The following ZNF318 variants were observed in gnomAD, a reference collection of about 807,000 sequenced individuals.
ZNF318 encodes the protein endocrine regulator.
A neutral mutation model predicts 124.2 loss-of-function variants in ZNF318; 51 were observed. The observed-to-expected ratio is 0.41, with a 90% CI of 0.33 to 0.52. The LOEUF (loss-of-function observed/expected upper bound fraction) is 0.52. Ranked by LOEUF, ZNF318 falls within the 20% of genes least tolerant of loss-of-function variation. The pLI is 0.23. For missense variants in ZNF318, 2,815 were observed against 2,811.2 expected (o/e 1.00, Z -0.03); for synonymous variants, 1,090 against 1,040.7 (o/e 1.05, Z -0.91).
rs766684451 is a variant in ZNF318, at chr6:43,357,197, C to A, written c.1117G>T (p.Val373Leu). 1.2e-6 allele frequency: 2 copies of A among 1,614,194 alleles called. No individual in the cohort carries two copies. Among genetic ancestry groups the A allele is most frequent in the South Asian group, 1.1e-5 (1 of 91,084 alleles). The stretch of plus-strand genomic sequence containing the variant: ...ATGGATTTCTTGGGCATCACAGATA[C>A]TTCCTCAGGCCGATGCAAAGAATAT... ...PGYSLHRPEEVSVMPKKSILK... is the reference protein window; with the variant it reads ...PGYSLHRPEELSVMPKKSILK... Residue 373 changes from valine to leucine, a missense_variant, in exon 3 of 10, where the codon GTA becomes TTA. Physicochemically the swap from Val to Leu is conservative, Grantham distance 32. Transcript: ENST00000361428.
At position 43,352,428 on chromosome 6, in the gene ZNF318, T is replaced by A. The variant is rs1363814667; in HGVS notation, c.2719A>T (p.Lys907Ter). 6.2e-7 allele frequency: 1 copy of A among 1,614,044 alleles called. No homozygotes were observed. Among genetic ancestry groups the A allele is most frequent in the Admixed American group, 1.7e-5 (1 of 59,996 alleles). The part of the protein sequence containing the change: ...KLKNDREARQ[K>*]KMYYLRTELE... Reference sequence around the variant, plus strand: ...TCGGTCCTAAGATAGTACATCTTCTTCTGGCGGGCTTCCCGGTCATTCTTT... The same window carrying A: ...TCGGTCCTAAGATAGTACATCTTCTACTGGCGGGCTTCCCGGTCATTCTTT... Residue 907 changes from lysine to a stop codon, truncating the protein, a stop_gained, in exon 5 of 10, where the codon AAG becomes TAG. Coordinates refer to ENST00000361428, the MANE Select transcript of ZNF318 (RefSeq NM_014345.3). LOFTEE classifies it high-confidence loss of function.
chr6:43,363,743 T>C (rs1334023976), intron 2 of ZNF318: 1 of 608,734 alleles, frequency 1.6e-6, no homozygotes, highest in South Asian at 2.0e-5. Context: ...TTGAAGATTA[T>C]GCCAGTGCAG....
chr6:43,353,587 G>A (rs1779563396), intron 4 of ZNF318, among the ~76,000 whole-genome samples: 1 of 152,026 alleles, frequency 6.6e-6, no homozygotes, highest in African/African-American at 2.4e-5. Context: ...TGTTAGCCAG[G>A]ATGGTCTTGA....
Position 43,338,737 on chromosome 6 carries a change from G to A in ZNF318, c.5261C>T (p.Ser1754Phe), listed in dbSNP as rs1199801123. Residue 1754 changes from serine (S) to phenylalanine (F), a missense_variant, in exon 10 of 10, where the codon TCT becomes TTT. By Grantham distance (155) the Ser-to-Phe change is radical. Coordinates refer to ENST00000361428, the MANE Select transcript of ZNF318 (RefSeq NM_014345.3). ...TTGGCTTTCCTTATCCTGGTTAACA[G>A]ATTCTCTGAGGTGGATTTCTACCAA... ...QKLVEIHLRE[S>F]VNQDKESQEL... 1 of 1,614,130 alleles carries A rather than the reference G, an allele frequency of 6.2e-7. No individual in the cohort carries two copies. Among genetic ancestry groups the A allele is most frequent in the Non-Finnish European group, 8.5e-7 (1 of 1,180,038 alleles).
In ZNF318 at chr6:43,338,064, TTC is replaced by T. The variant is rs1175631184; in HGVS notation, c.5932_5933del (p.Glu1978SerfsTer24). ...GATGGACATCTTGTAGCTCCAGTGC[TTC>T]TGTTTTTGGTTTCTCTGGGCTCTCC... ...TWESPEKPKT[E>X]ALELQDVHPE... On this transcript the variant is annotated frameshift_variant, in exon 10 of 10. Transcript: ENST00000361428. LOFTEE classifies it low-confidence loss of function (END_TRUNC). 5.6e-6 allele frequency: 9 copies of T among 1,614,120 alleles called. No individual in the cohort carries two copies. The highest frequency in any genetic ancestry group is 8.5e-7 in the Non-Finnish European group (1 of 1,180,046).
Position 43,336,172 on chromosome 6 carries a change from A to G in ZNF318, c.*986T>C, listed in dbSNP as rs1285179660. On this transcript the variant is annotated 3_prime_UTR_variant, in exon 10 of 10. Transcript: ENST00000361428. ...TTTAATCTTTTTAACAAAATATACA[A>G]CCCCAAACATCGTACTATGGTTGAA... 6.6e-6 allele frequency: 1 copy of G among 152,614 alleles called. No homozygotes were observed. Among genetic ancestry groups the G allele is most frequent in the Non-Finnish European group, 1.5e-5 (1 of 68,032 alleles). 9.5% of individuals were successfully genotyped at this position (152,614 alleles called of 1,614,324 possible). A position where few individuals can be genotyped will look rare whatever the true frequency, so the allele number is the denominator to read the frequency against.
In ZNF318 at chr6:43,355,768, T is replaced by C. The variant is rs943571010; in HGVS notation, c.1566A>G (p.Glu522=). ...TGTCGGGAAAGCTACGTCGCCTTTT[T>C]TCCTGTGTACTGGTAGAATCAGCCA... ...SMLADSTSTQ[E]KRRRSFPDIE... Residue 522 remains glutamate (E), a synonymous_variant, in exon 4 of 10, where the codon GAA becomes GAG. Transcript: ENST00000361428. 1.9e-6 allele frequency: 3 copies of C among 1,614,118 alleles called. No homozygotes were observed. In the East Asian group the frequency reaches 6.7e-5, roughly 36 times the overall value.
chr6:43,345,791 C>A (rs1268398611), intron 6 of ZNF318, among the ~76,000 whole-genome samples: 5 of 152,152 alleles, frequency 3.3e-5, no homozygotes, highest in Non-Finnish European at 5.9e-5. Flanking sequence ...ATGGGAAACA[C>A]AAAGATAAAA....
At chr6:43,351,647 G>C (rs1477077806) in intron 5 of ZNF318, among the ~76,000 whole-genome samples, 1 of 151,928 alleles carries the variant, frequency 6.6e-6, no homozygotes, top group Non-Finnish European at 1.5e-5. Context: ...TGTAATCCCA[G>C]CTACTTGGGA....
At position 43,340,189 on chromosome 6, in the gene ZNF318, G is replaced by A. The variant is rs1292342861; in HGVS notation, c.3809C>T (p.Ser1270Leu). ...KEEVKKESPT[S>L]SSFGKFSWKK... ...CCAGCTGAATTTCCCAAAAGAAGAT[G>A]ATGTTGGTGATTCCTTCTTTACCTC... Residue 1270 changes from serine to leucine, a missense_variant, in exon 10 of 10, where the codon TCA (serine) becomes TTA (leucine). Transcript: ENST00000361428. 1 of 1,614,156 alleles carries A rather than the reference G, an allele frequency of 6.2e-7. No individual in the cohort carries two copies. The highest frequency in any genetic ancestry group is 2.2e-5 in the East Asian group (1 of 44,884).
chr6:43,363,816 T>C (rs1779720598), intron 2 of ZNF318: 1 of 904,870 alleles, frequency 1.1e-6, no homozygotes, highest in South Asian at 1.5e-5. Flanking sequence ...GGGACTACAA[T>C]GGCCACGTCG....
At position 43,336,878 on chromosome 6, in the gene ZNF318, A is replaced by G. The variant is rs1444652427; in HGVS notation, c.*280T>C. The G allele has an allele frequency of 5.9e-6, 1 of 169,164 alleles. No individual in the cohort carries two copies. Among genetic ancestry groups the G allele is most frequent in the African/African-American group, 2.4e-5 (1 of 41,882 alleles). The allele number at this position is 169,164 out of a possible 1,614,324, so 10.5% of individuals were successfully genotyped here. A position where few individuals can be genotyped will look rare whatever the true frequency, so the allele number is the denominator to read the frequency against. ...CAGTTAGACATGTGATTTTAATGAC[A>G]AAGTGGGAGAAAATAAATTGGCCAA... On this transcript the variant is annotated 3_prime_UTR_variant, in exon 10 of 10. Transcript: ENST00000361428.
At position 43,369,497 on chromosome 6, in the gene ZNF318, C is replaced by A; in HGVS notation, c.-132G>T. ...GCGCCGCCTCAGCCGCGGGAGCAGC[C>A]CCCTCCCCTCGGCCCCGCGTCGCCC... is the stretch of plus-strand genomic sequence containing the variant. On this transcript the variant is annotated 5_prime_UTR_variant, in exon 1 of 10. Coordinates refer to ENST00000361428, the MANE Select transcript of ZNF318 (RefSeq NM_014345.3). 1 of 680,090 alleles carries A rather than the reference C, an allele frequency of 1.5e-6. No individual in the cohort carries two copies. Among genetic ancestry groups the A allele is most frequent in the Non-Finnish European group, 1.9e-6 (1 of 538,600 alleles). The allele number at this position is 680,090 out of a possible 1,614,324, so 42.1% of individuals were successfully genotyped here.
Position 43,340,507 on chromosome 6 carries a change from GAAGAAAAAAGATA to G in ZNF318, c.3496-18_3496-6del. 6.4e-7 allele frequency: 1 copy of G among 1,568,206 alleles called. No individual in the cohort carries two copies. Among genetic ancestry groups the G allele is most frequent in the Non-Finnish European group, 8.6e-7 (1 of 1,163,576 alleles). Reference sequence around the variant, plus strand: ...TGGGTTTTCATCCACATATTTCTGGGAAGAAAAAAGATAAAGACTCAAAAACTGGTGAAAATAC... The same window carrying G: ...TGGGTTTTCATCCACATATTTCTGGGAAGACTCAAAAACTGGTGAAAATAC... On this transcript the variant is annotated splice_polypyrimidine_tract_variant and splice_region_variant and intron_variant, in intron 9 of 9. Transcript: ENST00000361428.
At chr6:43,357,793 C>T (rs1466882859) in intron 2 of ZNF318, 28 bp from the exon 3 acceptor site, 1 of 1,556,832 alleles carries the variant, frequency 6.4e-7, no homozygotes, top group East Asian at 2.2e-5. Context: ...CATCATTGAA[C>T]AAATGGACTT....
intron 2 of ZNF318, among the ~76,000 whole-genome samples, chr6:43,360,272 C>G (rs1453414426): frequency 6.6e-6 from 1 of 152,156 alleles, no homozygotes; most frequent in Non-Finnish European, 1.5e-5. Flanking sequence ...GGCATAAAAA[C>G]AGTTTTCTTA....
chr6:43,349,113 A>G (rs529215973), intron 5 of ZNF318, among the ~76,000 whole-genome samples: 1 of 152,336 alleles, frequency 6.6e-6, no homozygotes, highest in East Asian at 1.9e-4. Context: ...CTATGAAGGT[A>G]AAGAATGGGT....
At chr6:43,368,651 A>T (rs1249718936) in intron 1 of ZNF318, 42 of 984,590 alleles carry the variant, frequency 4.3e-5, no homozygotes, top group Non-Finnish European at 4.8e-5. Context: ...TACAAAAAGT[A>T]CCAAGACACA....
chr6:43,342,958 T>G, intron 6 of ZNF318, 79 bp from the exon 7 acceptor site: 27 of 1,187,592 alleles, frequency 2.3e-5, no homozygotes, highest in Non-Finnish European at 3.2e-5. Context: ...TAAGTGGCCA[T>G]AATAATAGAA....
Sources: gnomAD v4.1 joint callset for allele counts (sites outside exome capture counted in the v4.1 genomes callset) on GRCh38, gnomAD v4.1.1 for gene constraint, MANE v1.5 for transcripts, NCBI Gene and HGNC (gene_info 2026-07-23, HGNC 2026-07-21) for gene names.